The following ITGB1BP1 variants were observed in gnomAD, a reference collection of about 807,000 sequenced individuals.
The protein encoded by ITGB1BP1 is integrin beta-1-binding protein 1.
In ITGB1BP1, 20 loss-of-function variants were observed where a neutral mutation model predicts 28.0. That is an observed-to-expected ratio of 0.71 (90% CI 0.50 to 1.04). The LOEUF (loss-of-function observed/expected upper bound fraction) is 1.04, where lower values mean the gene tolerates loss of function less well. Ranked by LOEUF, ITGB1BP1 falls within the 50% of genes least tolerant of loss-of-function variation. The pLI is 0.00. For synonymous variants in ITGB1BP1, 103 were observed against 89.5 expected, an observed-to-expected ratio of 1.15 and a Z score of -0.85; for missense variants, 228 against 242.5, an observed-to-expected ratio of 0.94 and a Z score of 0.40.
intron 1 of ITGB1BP1, chr2:9,422,801 C>T (rs1680057266): frequency 2.0e-6 from 2 of 986,038 alleles, no homozygotes; most frequent in Non-Finnish European, 2.4e-6. Flanking sequence ...CCCTCACCGA[C>T]CAGCAAGGCT....
chr2:9,420,008 T>C (rs1018138344), intron 1 of ITGB1BP1: 5 of 951,478 alleles, frequency 5.3e-6, no homozygotes, highest in Non-Finnish European at 6.3e-6. Context: ...TGAACACTAT[T>C]TGACTGTCTT....
intron 4 of ITGB1BP1, among the ~76,000 whole-genome samples, chr2:9,411,880 T>C (rs1220511712): frequency 6.7e-6 from 1 of 150,044 alleles, no homozygotes; most frequent in Non-Finnish European, 1.5e-5. Flanking sequence ...CTGTCTCTAC[T>C]GAAAATACAA....
chr2:9,413,631 G>C (rs1388055664), intron 3 of ITGB1BP1, among the ~76,000 whole-genome samples: 1 of 151,904 alleles, frequency 6.6e-6, no homozygotes, highest in African/African-American at 2.4e-5. Flanking sequence ...CACCCAGCCT[G>C]TTTCTAAGAT....
chr2:9,417,069 C>T (rs1321307672), intron 2 of ITGB1BP1, among the ~76,000 whole-genome samples: 3 of 152,132 alleles, frequency 2.0e-5, no homozygotes, highest in Non-Finnish European at 2.9e-5. Flanking sequence ...CCGGCAGTCT[C>T]TCTGCTCCTG....
intron 1 of ITGB1BP1, chr2:9,422,372 C>T (rs1163270221): frequency 2.0e-6 from 2 of 982,338 alleles, no homozygotes; most frequent in African/African-American, 3.5e-5. Flanking sequence ...GTTCATTGAT[C>T]TCAGCAAGGC....
In ITGB1BP1 at chr2:9,406,572, G is replaced by T; in HGVS notation, c.*262C>A. 1 of 447,126 alleles carries T rather than the reference G, an allele frequency of 2.2e-6. No individual in the cohort carries two copies. Among genetic ancestry groups the T allele is most frequent in the Non-Finnish European group, 4.1e-6 (1 of 244,062 alleles). 27.7% of individuals were successfully genotyped at this position (447,126 alleles called of 1,614,324 possible). On this transcript the variant is annotated 3_prime_UTR_variant, in exon 7 of 7. Coordinates refer to ENST00000355346, the MANE Select transcript of ITGB1BP1 (RefSeq NM_004763.5). ...GGACCTCTGTGACACCTAGGCTTCTGTGACACTTAGGTTAAGCTTATTAGA... is the reference window on the plus strand; with the variant it reads ...GGACCTCTGTGACACCTAGGCTTCTTTGACACTTAGGTTAAGCTTATTAGA...
rs1677158115 is a variant in ITGB1BP1, at chr2:9,405,581, C to CT, written c.*1252dup. 2 of 152,552 alleles carry CT rather than the reference C, an allele frequency of 1.3e-5. No individual in the cohort carries two copies. Among genetic ancestry groups the CT allele is most frequent in the African/African-American group, 4.8e-5 (2 of 41,424 alleles). The allele number at this position is 152,552 out of a possible 1,614,324, so 9.4% of individuals were successfully genotyped here. On this transcript the variant is annotated 3_prime_UTR_variant, in exon 7 of 7. Coordinates refer to ENST00000355346, the MANE Select transcript of ITGB1BP1 (RefSeq NM_004763.5). ...ACCGAAATTGATTATTTTCATTGTC[C>CT]TTAATGCAGTGATTTATAATTAGAG...
chr2:9,407,394 C>A, intron 6 of ITGB1BP1, 55 bp downstream of exon 6: 1 of 1,596,240 alleles, frequency 6.3e-7, no homozygotes, highest in Middle Eastern at 1.7e-4. Flanking sequence ...AAACAGTAGT[C>A]CCTGGGTGTT....
At chr2:9,408,423 T>C (rs774084357) in intron 4 of ITGB1BP1, 32 of 481,248 alleles carry the variant, frequency 6.6e-5, no homozygotes, top group Non-Finnish European at 1.1e-4. Context: ...AGTCTCACTC[T>C]GTCGCCCAGG....
At chr2:9,406,951 T>C (rs1234437644) in intron 6 of ITGB1BP1, 46 bp from the exon 7 acceptor site, 2 of 1,438,068 alleles carry the variant, frequency 1.4e-6, no homozygotes, top group Admixed American at 1.7e-5. Context: ...CATCTGTCTC[T>C]TCGTGAACTT....
Position 9,412,312 on chromosome 2 carries a change from A to C in ITGB1BP1, c.245T>G (p.Leu82Arg). The change falls in exon 4 of 7, where the codon CTT becomes CGT. Residue 82 changes from leucine (L) to arginine (R), a missense_variant. Coordinates refer to ENST00000355346, the MANE Select transcript of ITGB1BP1 (RefSeq NM_004763.5). Reference sequence around the variant, plus strand: ...ATTTATCAGGTCTAATGGCCCTTCAAGGCCTTTTCCCTCGGAGAGTTTCAG... The same window carrying C: ...ATTTATCAGGTCTAATGGCCCTTCACGGCCTTTTCCCTCGGAGAGTTTCAG... ...EKLKLSEGKG[L>R]EGPLDLINYI... 6.2e-7 allele frequency: 1 copy of C among 1,612,564 alleles called. No individual in the cohort carries two copies. Among genetic ancestry groups the C allele is most frequent in the Non-Finnish European group, 8.5e-7 (1 of 1,179,040 alleles).
chr2:9,408,999 G>A (rs1426410131), intron 4 of ITGB1BP1, among the ~76,000 whole-genome samples: 1 of 152,248 alleles, frequency 6.6e-6, no homozygotes, highest in African/African-American at 2.4e-5. Context: ...ATCCTGCCCA[G>A]ATGGGAAGGC....
chr2:9,419,237 C>T (rs1334244017), intron 1 of ITGB1BP1, among the ~76,000 whole-genome samples: 1 of 152,160 alleles, frequency 6.6e-6, no homozygotes, highest in African/African-American at 2.4e-5. Context: ...CCTTCTTGTC[C>T]TACAGGTGTG....
In ITGB1BP1 at chr2:9,423,376, G is replaced by A; in HGVS notation, c.-39C>T. ...GGGACGAGGGCTGGGCGCTCACCTC[G>A]CAGCCGCGGGCCCATCCCCGGGTTG... On this transcript the variant is annotated 5_prime_UTR_variant, in exon 1 of 7. An upstream open reading frame in the 5' UTR gains an earlier in-frame stop. Transcript: ENST00000355346. The A allele has an allele frequency of 8.7e-7, 1 of 1,149,432 alleles. No homozygotes were observed. Among genetic ancestry groups the A allele is most frequent in the Non-Finnish European group, 1.1e-6 (1 of 922,450 alleles). The allele number at this position is 1,149,432 out of a possible 1,614,324, so 71.2% of individuals were successfully genotyped here. A position where few individuals can be genotyped will look rare whatever the true frequency, so the allele number is the denominator to read the frequency against.
chr2:9,407,109 A>G, intron 6 of ITGB1BP1: 2 of 607,202 alleles, frequency 3.3e-6, no homozygotes, highest in South Asian at 4.0e-5. Context: ...GAAAGCAAAC[A>G]GCGACTGCAG....
At chr2:9,414,574 G>T (rs534218764) in intron 2 of ITGB1BP1, among the ~76,000 whole-genome samples, 1 of 152,292 alleles carries the variant, frequency 6.6e-6, no homozygotes, top group East Asian at 1.9e-4. Context: ...GAATATTCTT[G>T]CGAACATCTC....
chr2:9,416,134 C>T (rs1679101502), intron 2 of ITGB1BP1, among the ~76,000 whole-genome samples: 3 of 152,148 alleles, frequency 2.0e-5, no homozygotes, highest in African/African-American at 7.2e-5. Flanking sequence ...CTCATTGACC[C>T]GACTCAGCCT....
Position 9,406,771 on chromosome 2 carries a change from A to C in ITGB1BP1, c.*63T>G, listed in dbSNP as rs1677443186. 5 of 1,039,174 alleles carry C rather than the reference A, an allele frequency of 4.8e-6. No homozygotes were observed. The highest frequency in any genetic ancestry group is 1.7e-5 in the Admixed American group (1 of 59,178). The allele number at this position is 1,039,174 out of a possible 1,614,324, so 64.4% of individuals were successfully genotyped here. ...AACTTCATTATTTGCATAACATTTC[A>C]GCATTGCAGTTTGAAAACAGCTGAA... is the stretch of plus-strand genomic sequence containing the variant. On this transcript the variant is annotated 3_prime_UTR_variant, in exon 7 of 7. Transcript: ENST00000355346.
chr2:9,409,198 AACGTAAG>A (rs943782168), intron 4 of ITGB1BP1, among the ~76,000 whole-genome samples: 1 of 152,350 alleles, frequency 6.6e-6, no homozygotes, highest in African/African-American at 2.4e-5. Flanking sequence ...CGTCTTCCCT[AACGTAAG>A]ACGCTGTTGG....
Sources: gnomAD v4.1 joint callset for allele counts (sites outside exome capture counted in the v4.1 genomes callset) on GRCh38, gnomAD v4.1.1 for gene constraint, MANE v1.5 for transcripts, NCBI Gene and HGNC (gene_info 2026-07-23, HGNC 2026-07-21) for gene names.